The following DDX4 variants were observed in gnomAD, a reference collection of about 807,000 sequenced individuals.
DDX4 encodes the protein DEAD-box helicase 4, also known as probable ATP-dependent RNA helicase DDX4.
Under a neutral mutation model 100.0 loss-of-function variants are expected in DDX4, and 25 were observed. The ratio of observed to expected loss-of-function variants is 0.25; its 90% CI spans 0.18 to 0.35. The LOEUF is 0.35. DDX4 is among the 10% of genes least tolerant of loss of function. The probability of loss-of-function intolerance (pLI) is 1.00; values close to 1 mark genes in which losing one functional copy is unlikely to be tolerated. For missense variants in DDX4, 635 were observed against 882.4 expected, an observed-to-expected ratio of 0.72 and a Z score of 3.55; for synonymous variants, 259 against 275.7, an observed-to-expected ratio of 0.94 and a Z score of 0.60.
rs778132035 is a variant in DDX4 at position 55,739,013 on chromosome 5, A to G, written c.50A>G (p.Tyr17Cys). The G allele has an allele frequency of 3.0e-5, 48 of 1,595,934 alleles. No homozygotes were observed. The highest frequency in any genetic ancestry group is 9.4e-5 in the African/African-American group (7 of 74,468). The change falls in exon 2 of 22, where the codon TAT (tyrosine) becomes TGT (cysteine). Residue 17 changes from tyrosine (Y) to cysteine (C), a missense_variant. Coordinates refer to ENST00000505374, the MANE Select transcript of DDX4 (RefSeq NM_024415.3). ...EAEINPHMSS[Y>C]VPIFEKDRYS... Reference sequence around the variant, plus strand: ...GAAATCAACCCTCATATGTCTTCCTATGTTCCCATATTTGAGAAGGTAATA... The same window carrying G: ...GAAATCAACCCTCATATGTCTTCCTGTGTTCCCATATTTGAGAAGGTAATA...
chr5:55,756,229 G>A (rs1759923844), intron 3 of DDX4, among the ~76,000 whole-genome samples: 1 of 152,166 alleles, frequency 6.6e-6, no homozygotes. Context: ...CAGAACAGTA[G>A]CATTGGCATC....
intron 18 of DDX4, among the ~76,000 whole-genome samples, chr5:55,805,527 G>A (rs1743640641): frequency 6.6e-6 from 1 of 152,030 alleles, no homozygotes; most frequent in African/African-American, 2.4e-5. Context: ...AGAGTTTTTA[G>A]CATGAAGAGT....
chr5:55,753,524 G>C lies in DDX4; in HGVS notation c.128-6676G>C, dbSNP rs184030746. 3.4e-3 allele frequency among the ~76,000 whole-genome samples: 524 copies of C among 152,192 alleles called. 4 individuals are homozygous for C. The highest frequency in any genetic ancestry group is 0.012 in the African/African-American group (501 of 41,538). ...TCTGAGGGCTCTGTTCTGTTCCATT[G>C]GTCTATATCTCTGTTTTGGTACCAG... On this transcript the variant is annotated intron_variant, in intron 3 of 21. Transcript: ENST00000505374.
Sources: gnomAD v4.1 joint callset for allele counts (sites outside exome capture counted in the v4.1 genomes callset) on GRCh38, gnomAD v4.1.1 for gene constraint, MANE v1.5 for transcripts, NCBI Gene and HGNC (gene_info 2026-07-23, HGNC 2026-07-21) for gene names.